SPAG17: variants seen among roughly 807,000 people sequenced by gnomAD.
The protein encoded by SPAG17 is sperm associated antigen 17.
A neutral mutation model predicts 273.6 loss-of-function variants in SPAG17; 169 were observed. The observed-to-expected ratio is 0.62, with a 90% CI of 0.55 to 0.70. The LOEUF is 0.70. SPAG17 is among the 30% of genes least tolerant of loss of function. The pLI, the probability that SPAG17 is intolerant of heterozygous loss-of-function variation, is 0.00. For synonymous variants in SPAG17, 825 were observed against 873.2 expected (o/e 0.94, Z 0.97); for missense variants, 2,557 against 2,627.8 (o/e 0.97, Z 0.59).
intron 24 of SPAG17, 25 bp from the exon 25 acceptor site, chr1:118,031,892 A>G: frequency 6.6e-7 from 1 of 1,520,768 alleles, no homozygotes; most frequent in Admixed American, 2.0e-5. Flanking sequence ...AGTAAAAATG[A>G]AGTTGATTCA....
chr1:118,076,231 T>C (rs1339977939), intron 15 of SPAG17: 4 of 152,094 alleles, frequency 2.6e-5, no homozygotes, highest in Non-Finnish European at 4.4e-5. Context: ...CTTTTTATTC[T>C]GTGGCAAAGA....
chr1:118,092,024 A>G, intron 8 of SPAG17, 22 bp from the exon 9 acceptor site: 1 of 1,607,724 alleles, frequency 6.2e-7, no homozygotes, highest in Non-Finnish European at 8.5e-7. Flanking sequence ...ATAATTAAAA[A>G]GAAACAACTG....
At position 118,115,387 on chromosome 1, in the gene SPAG17, G is replaced by T. The variant is rs764219802; in HGVS notation, c.370C>A (p.Leu124Met). 6.2e-7 allele frequency: 1 copy of T among 1,613,578 alleles called. No homozygotes were observed. Among genetic ancestry groups the T allele is most frequent in the East Asian group, 2.2e-5 (1 of 44,852 alleles). ...MDSGEKLTLPLIGKLLKFQLL... is the reference protein window; with the variant it reads ...MDSGEKLTLPMIGKLLKFQLL... Reference sequence around the variant, plus strand: ...TGAAATTTCAAGAGTTTCCCTATCAGTGGTAAGGTTAATTTCTCTCCACTA... The same window carrying T: ...TGAAATTTCAAGAGTTTCCCTATCATTGGTAAGGTTAATTTCTCTCCACTA... The change falls in exon 4 of 49, where the codon CTG (leucine) becomes ATG (methionine). Residue 124 changes from leucine to methionine, a missense_variant. Coordinates refer to ENST00000336338, the MANE Select transcript of SPAG17 (RefSeq NM_206996.4).
chr1:118,148,380 G>C (rs552507742), intron 3 of SPAG17, among the ~76,000 whole-genome samples: 7 of 152,108 alleles, frequency 4.6e-5, no homozygotes, highest in Admixed American at 3.9e-4. Flanking sequence ...CTCCACACTC[G>C]GCAAGGGTAC....
chr1:118,039,802 T>C (rs1393760926), intron 22 of SPAG17, among the ~76,000 whole-genome samples: 2 of 152,012 alleles, frequency 1.3e-5, no homozygotes, highest in African/African-American at 4.8e-5. Flanking sequence ...AAAGGCAGCA[T>C]AGAATATAAA....
intron 30 of SPAG17, among the ~76,000 whole-genome samples, chr1:118,009,408 A>G (rs1019247062): frequency 6.6e-6 from 1 of 152,166 alleles, no homozygotes; most frequent in African/African-American, 2.4e-5. Flanking sequence ...CATTAAGGAA[A>G]GGGAACTCAC....
Position 118,030,523 on chromosome 1 carries a change from A to G in SPAG17, c.3609+1169T>C, listed in dbSNP as rs192673948. 3.7e-3 allele frequency among the ~76,000 whole-genome samples: 556 copies of G among 151,976 alleles called. 3 individuals carry two copies. Among genetic ancestry groups the G allele is most frequent in the African/African-American group, 0.013 (528 of 41,424 alleles). On this transcript the variant is annotated intron_variant, in intron 25 of 48. Coordinates refer to ENST00000336338, the MANE Select transcript of SPAG17 (RefSeq NM_206996.4). ...GGTGGCATGGTGGTTTGCTGCACCTATCAAGCCGACATCTATGTTTTAAGC... is the reference window on the plus strand; with the variant it reads ...GGTGGCATGGTGGTTTGCTGCACCTGTCAAGCCGACATCTATGTTTTAAGC...
chr1:118,082,133 A>G (rs1408071202), intron 13 of SPAG17, among the ~76,000 whole-genome samples: 2 of 152,106 alleles, frequency 1.3e-5, no homozygotes, highest in Non-Finnish European at 2.9e-5. Flanking sequence ...ATTTTCCATA[A>G]TTGCACTTCA....
At chr1:118,039,129 G>A (rs961508134) in intron 23 of SPAG17, among the ~76,000 whole-genome samples, 163 bp downstream of exon 23, 2 of 152,100 alleles carry the variant, frequency 1.3e-5, no homozygotes, top group African/African-American at 4.8e-5. Context: ...ATCCATTAGG[G>A]TTCAGTTCAG....
chr1:117,957,493 A>G (rs74114933), intron 48 of SPAG17, among the ~76,000 whole-genome samples: 3,929 of 152,316 alleles, frequency 0.026, 166 homozygotes, highest in African/African-American at 0.087. Flanking sequence ...ATAGGCCTCC[A>G]TGTTACAATC....
chr1:118,036,428 C>T (rs1479215459), intron 24 of SPAG17, among the ~76,000 whole-genome samples: 2 of 151,868 alleles, frequency 1.3e-5, no homozygotes, highest in African/African-American at 2.4e-5. Context: ...ACAAGGATAA[C>T]TGGTATATAT....
In SPAG17 at chr1:118,182,134, CAT is replaced by C. The variant is rs373717824; in HGVS notation, c.87+2935_87+2936del. Among the ~76,000 whole-genome samples the C allele has an allele frequency of 2.0e-3, 306 of 152,180 alleles. 4 individuals carry two copies. Among genetic ancestry groups the C allele is most frequent in the African/African-American group, 6.8e-3 (284 of 41,524 alleles). On this transcript the variant is annotated intron_variant, in intron 1 of 48. Transcript: ENST00000336338. ...TGTAAAAAGTAAGGAAATTCTGAGACATGTTACAATATGAATGAACCTTGAAG... is the reference window on the plus strand; with the variant it reads ...TGTAAAAAGTAAGGAAATTCTGAGACGTTACAATATGAATGAACCTTGAAG...
chr1:118,016,734 T>C (rs1298514552), intron 28 of SPAG17, among the ~76,000 whole-genome samples: 1 of 152,190 alleles, frequency 6.6e-6, no homozygotes, highest in African/African-American at 2.4e-5. Flanking sequence ...GAGGAGTTTG[T>C]GCAGTTTAAT....
intron 18 of SPAG17, among the ~76,000 whole-genome samples, chr1:118,064,866 G>A (rs1652793858): frequency 6.6e-6 from 1 of 151,536 alleles, no homozygotes; most frequent in African/African-American, 2.4e-5. Flanking sequence ...TGCTAATAAG[G>A]AAAAAGCCAA....
rs147036997 is a variant in SPAG17, at chr1:118,015,990, T to C, written c.4262A>G (p.Gln1421Arg). ...IADLTPLLSF[Q>R]ATDPVNGTVM... ...CGTTCCATTGACAGGATCTGTGGCC[T>C]GAAAGGATAACAATGGGGTCAAGTC... Residue 1421 changes from glutamine to arginine, a missense_variant, in exon 29 of 49, where the codon CAG becomes CGG. Transcript: ENST00000336338. 52 of 1,613,944 alleles carry C rather than the reference T, an allele frequency of 3.2e-5. No individual in the cohort carries two copies. In the Middle Eastern group the frequency reaches 1.8e-3, roughly 56 times the overall value.
intron 20 of SPAG17, among the ~76,000 whole-genome samples, chr1:118,050,734 A>T (rs916395391): frequency 1.3e-5 from 2 of 152,212 alleles, no homozygotes; most frequent in African/African-American, 2.4e-5. Flanking sequence ...ATGCACAAAA[A>T]CAACACAAAA....
chr1:118,086,060 A>C lies in SPAG17; in HGVS notation c.1624T>G (p.Phe542Val). The change falls in exon 13 of 49, where the codon TTT (phenylalanine) becomes GTT (valine). Residue 542 changes from phenylalanine (F) to valine (V), a missense_variant. By Grantham distance (50) the Phe-to-Val change is conservative (BLOSUM62 -1). Transcript: ENST00000336338. ...TCCTGCTCAATTTGAACTGGATCAA[A>C]ATTCTTTTGGTCCTGATGAAAAAGA... ...KKYALQDQKN[F>V]DPVQIEQEMQ... 6.2e-7 allele frequency: 1 copy of C among 1,613,490 alleles called. No homozygotes were observed. Among genetic ancestry groups the C allele is most frequent in the Non-Finnish European group, 8.5e-7 (1 of 1,179,854 alleles).
intron 30 of SPAG17, among the ~76,000 whole-genome samples, chr1:118,010,514 C>T (rs1383620308): frequency 6.6e-6 from 1 of 152,114 alleles, no homozygotes; most frequent in East Asian, 1.9e-4. Flanking sequence ...TGGCCATATG[C>T]AGAAGATTGA....
chr1:117,990,744 A>T (rs1270841562), intron 38 of SPAG17, 117 bp downstream of exon 38: 1 of 608,446 alleles, frequency 1.6e-6, no homozygotes, highest in African/African-American at 1.9e-5. Flanking sequence ...CGATACAAGA[A>T]TGGAGATATG....
Sources: gnomAD v4.1 joint callset for allele counts (sites outside exome capture counted in the v4.1 genomes callset) on GRCh38, gnomAD v4.1.1 for gene constraint, MANE v1.5 for transcripts, NCBI Gene and HGNC (gene_info 2026-07-23, HGNC 2026-07-21) for gene names.